TCERG1L: variants seen among roughly 807,000 people sequenced by gnomAD.
TCERG1L encodes transcription elongation regulator 1-like protein.
Under a neutral mutation model 56.3 loss-of-function variants are expected in TCERG1L, and 37 were observed. The ratio of observed to expected loss-of-function variants is 0.66; its 90% CI spans 0.51 to 0.87. The LOEUF (loss-of-function observed/expected upper bound fraction) is 0.87. Among genes scored for constraint, TCERG1L ranks in the 40% least tolerant of loss-of-function variants. TCERG1L has a pLI of 0.00. For synonymous variants in TCERG1L, 324 were observed against 326.3 expected (o/e 0.99, Z 0.08); for missense variants, 799 against 774.2 (o/e 1.03, Z -0.38).
At chr10:131,274,825 T>C (rs1846376338) in intron 3 of TCERG1L, among the ~76,000 whole-genome samples, 1 of 152,146 alleles carries the variant, frequency 6.6e-6, no homozygotes, top group Admixed American at 6.5e-5. Context: ...TTAGCAGCTA[T>C]AAAAAATGTG....
At chr10:131,180,117 C>T (rs1468230964) in intron 4 of TCERG1L, among the ~76,000 whole-genome samples, 4 of 152,192 alleles carry the variant, frequency 2.6e-5, no homozygotes, top group African/African-American at 9.7e-5. Flanking sequence ...CAGCACACAG[C>T]TCAGAGGGGA....
chr10:131,220,107 G>C (rs1845714221), intron 4 of TCERG1L, among the ~76,000 whole-genome samples: 1 of 152,198 alleles, frequency 6.6e-6, no homozygotes, highest in Non-Finnish European at 1.5e-5. Context: ...GCACCCGCAT[G>C]GCCTTTCAGA....
chr10:131,218,492 T>C (rs1462683893), intron 4 of TCERG1L, among the ~76,000 whole-genome samples: 1 of 148,924 alleles, frequency 6.7e-6, no homozygotes, highest in Non-Finnish European at 1.5e-5. Flanking sequence ...TTTTTTTCTA[T>C]TTATTTATTT....
In TCERG1L at chr10:131,254,320, T is replaced by G. The variant is rs187946602; in HGVS notation, c.856+5939A>C. 2.5e-3 allele frequency among the ~76,000 whole-genome samples: 382 copies of G among 149,982 alleles called. 4 individuals carry two copies. The highest frequency in any genetic ancestry group is 3.4e-3 in the Non-Finnish European group (230 of 67,662). Reference sequence around the variant, plus strand: ...GGATTTAAATATATATATATATATATAGTAAGTATTGATTTATTTATTTAT... The same window carrying G: ...GGATTTAAATATATATATATATATAGAGTAAGTATTGATTTATTTATTTAT... On this transcript the variant is annotated intron_variant, in intron 4 of 11. Coordinates refer to ENST00000368642, the MANE Select transcript of TCERG1L (RefSeq NM_174937.4).
At chr10:131,152,578 A>G (rs1845877489) in intron 6 of TCERG1L, among the ~76,000 whole-genome samples, 1 of 152,156 alleles carries the variant, frequency 6.6e-6, no homozygotes, top group African/African-American at 2.4e-5. Flanking sequence ...ACATTTTGCT[A>G]TCTTTTTCTG....
intron 4 of TCERG1L, among the ~76,000 whole-genome samples, chr10:131,214,856 G>T (rs1349149498): frequency 6.6e-6 from 1 of 152,180 alleles, no homozygotes; most frequent in African/African-American, 2.4e-5. Flanking sequence ...CACTGATATT[G>T]AACTGAATTT....
chr10:131,169,677 T>C (rs1382706352), intron 4 of TCERG1L, among the ~76,000 whole-genome samples: 1 of 152,142 alleles, frequency 6.6e-6, no homozygotes, highest in Non-Finnish European at 1.5e-5. Context: ...GTGTTTTAAT[T>C]ATATGCCACA....
At chr10:131,210,711 C>T (rs1046127447) in intron 4 of TCERG1L, among the ~76,000 whole-genome samples, 7 of 151,990 alleles carry the variant, frequency 4.6e-5, no homozygotes, top group Admixed American at 2.6e-4. Flanking sequence ...CCTCCCTCCT[C>T]TCCTCCTCCT....
intron 4 of TCERG1L, among the ~76,000 whole-genome samples, chr10:131,185,682 C>G (rs1287590378): frequency 6.6e-6 from 1 of 152,044 alleles, no homozygotes; most frequent in Non-Finnish European, 1.5e-5. Flanking sequence ...AACCAAACCA[C>G]AGAGAACACA....
chr10:131,176,681 A>G (rs374282722), intron 4 of TCERG1L, among the ~76,000 whole-genome samples: 41 of 3,494 alleles, frequency 0.012, no homozygotes, highest in Admixed American at 0.027. Context: ...TACACACACC[A>G]AGAAACATGC....
chr10:131,159,519 G>A (rs1845955800), intron 6 of TCERG1L, among the ~76,000 whole-genome samples: 1 of 152,140 alleles, frequency 6.6e-6, no homozygotes, highest in Non-Finnish European at 1.5e-5. Context: ...AATGGGTGAG[G>A]GAAAATGAGA....
Position 131,118,281 on chromosome 10 carries a change from T to A in TCERG1L, c.1260-1347A>T, listed in dbSNP as rs1008338683. Among the ~76,000 whole-genome samples the A allele has an allele frequency of 9.2e-5, 14 of 152,188 alleles. No individual in the cohort carries two copies. The highest frequency in any genetic ancestry group is 3.1e-4 in the African/African-American group (13 of 41,432). On this transcript the variant is annotated intron_variant, in intron 8 of 11. Transcript: ENST00000368642. The surrounding 1 kb of genome is among the most constrained non-coding windows in gnomAD (Gnocchi z 4.2). Reference sequence around the variant, plus strand: ...CGGAGATGTAGGAATGGCATGTACATCTAAAGGCATGGGCCTTACCCGCTC... The same window carrying A: ...CGGAGATGTAGGAATGGCATGTACAACTAAAGGCATGGGCCTTACCCGCTC...
rs181818093 is a variant in TCERG1L, at chr10:131,121,166, G to A, written c.1260-4232C>T. On this transcript the variant is annotated intron_variant, in intron 8 of 11. Coordinates refer to ENST00000368642, the MANE Select transcript of TCERG1L (RefSeq NM_174937.4). ...ACATGAGCAGGGAAGAGACATAGAC[G>A]CTGACACAGGTTGAGATGGCGTCAC... 2.1e-3 allele frequency among the ~76,000 whole-genome samples: 326 copies of A among 152,260 alleles called. 2 individuals carry two copies. The highest frequency in any genetic ancestry group is 6.8e-3 in the Middle Eastern group (2 of 294).
intron 4 of TCERG1L, among the ~76,000 whole-genome samples, chr10:131,220,103 G>T (rs543022799): frequency 1.3e-5 from 2 of 152,164 alleles, no homozygotes; most frequent in Non-Finnish European, 2.9e-5. Context: ...CCTGGCACCC[G>T]CATGGCCTTT....
At chr10:131,211,638 G>A (rs559434964) in intron 4 of TCERG1L, among the ~76,000 whole-genome samples, 1 of 152,308 alleles carries the variant, frequency 6.6e-6, no homozygotes, top group South Asian at 2.1e-4. Context: ...TTTCATGAAG[G>A]CAACCTATTT....
At chr10:131,146,745 C>CA in intron 6 of TCERG1L, 85 bp from the exon 7 acceptor site, 6 of 1,453,216 alleles carry the variant, frequency 4.1e-6, no homozygotes, top group South Asian at 1.5e-5. Context: ...CTGAAAAAGC[C>CA]CCTCAGGACC....
intron 8 of TCERG1L, among the ~76,000 whole-genome samples, chr10:131,123,722 T>G (rs947942520): frequency 2.6e-5 from 4 of 151,812 alleles, no homozygotes; most frequent in Non-Finnish European, 4.4e-5. Context: ...GCTCTGAGCC[T>G]TGGAGTGCAG....
At chr10:131,153,263 G>A (rs1353448102) in intron 6 of TCERG1L, among the ~76,000 whole-genome samples, 2 of 152,136 alleles carry the variant, frequency 1.3e-5, no homozygotes, top group East Asian at 3.9e-4. Context: ...TCTCCAGCCA[G>A]GGCAGCAGGA....
intron 4 of TCERG1L, among the ~76,000 whole-genome samples, chr10:131,184,297 T>A (rs756714725): frequency 2.6e-5 from 4 of 152,246 alleles, no homozygotes; most frequent in African/African-American, 9.6e-5. Context: ...TGTCTTTTAA[T>A]CTTTAAATCT....
Sources: allele counts gnomAD v4.1 joint callset (sites outside exome capture counted in the v4.1 genomes callset), GRCh38; gene constraint gnomAD v4.1.1; non-coding constraint Gnocchi (gnomAD v3.1); transcripts MANE v1.5; gene names NCBI Gene and HGNC (gene_info 2026-07-23, HGNC 2026-07-21).